VPS45: variants seen among roughly 807,000 people sequenced by gnomAD.
VPS45 encodes the protein vacuolar protein sorting 45 homolog, also known as vacuolar protein sorting-associated protein 45.
In VPS45, 35 loss-of-function variants were observed where a neutral mutation model predicts 75.9. The ratio of observed to expected loss-of-function variants is 0.46; its 90% CI spans 0.35 to 0.61. The LOEUF (loss-of-function observed/expected upper bound fraction) is 0.61. VPS45 is among the 20% of genes least tolerant of loss of function. The pLI, the probability that VPS45 is intolerant of heterozygous loss-of-function variation, is 0.00. For synonymous variants in VPS45, 220 were observed against 238.2 expected (o/e 0.92, Z 0.70); for missense variants, 559 against 685.9 (o/e 0.81, Z 2.07).
At chr1:150,108,889 G>A (rs1553806603) in intron 13 of VPS45, among the ~76,000 whole-genome samples, 4 of 152,210 alleles carry the variant, frequency 2.6e-5, no homozygotes, top group Non-Finnish European at 5.9e-5. Flanking sequence ...CTGTGCCCCC[G>A]CCCAGTTCCT....
intron 14 of VPS45, among the ~76,000 whole-genome samples, chr1:150,142,477 C>A (rs1261920894): frequency 2.7e-4 from 41 of 152,214 alleles, no homozygotes; most frequent in Admixed American, 2.7e-3. Context: ...TCCTTTCCCT[C>A]TACTTTGCAA....
At chr1:150,082,412 G>A (rs587598581) in intron 9 of VPS45, among the ~76,000 whole-genome samples, 5 of 151,898 alleles carry the variant, frequency 3.3e-5, no homozygotes, top group Middle Eastern at 3.2e-3. Flanking sequence ...AGGCTGAGGC[G>A]GGGGAATCGC....
chr1:150,076,394 G>T, intron 4 of VPS45, 82 bp downstream of exon 4: 1 of 1,170,876 alleles, frequency 8.5e-7, no homozygotes, highest in Middle Eastern at 2.1e-4. Context: ...ATAAGGAAAG[G>T]TCTGTCTCAA....
At chr1:150,097,654 G>A (rs1467812089) in intron 13 of VPS45, among the ~76,000 whole-genome samples, 2 of 151,924 alleles carry the variant, frequency 1.3e-5, no homozygotes, top group African/African-American at 4.8e-5. Flanking sequence ...GGGAGGTGGA[G>A]GTTGCAGTGA....
chr1:150,090,956 T>C (rs1476766029), intron 10 of VPS45, among the ~76,000 whole-genome samples: 1 of 152,226 alleles, frequency 6.6e-6, no homozygotes, highest in East Asian at 1.9e-4. Flanking sequence ...CACACTTCTG[T>C]AGGATTATCA....
intron 14 of VPS45, among the ~76,000 whole-genome samples, chr1:150,136,943 G>C (rs1183263275): frequency 6.6e-6 from 1 of 152,132 alleles, no homozygotes; most frequent in East Asian, 1.9e-4. Context: ...CTATCACCCA[G>C]GCTGGAGTGC....
At chr1:150,117,817 C>T (rs1251434492) in intron 14 of VPS45, among the ~76,000 whole-genome samples, 1 of 151,986 alleles carries the variant, frequency 6.6e-6, no homozygotes, top group African/African-American at 2.4e-5. Flanking sequence ...TGAGATCGTA[C>T]CACTGCACTC....
chr1:150,136,099 A>C (rs1406642174), intron 14 of VPS45, among the ~76,000 whole-genome samples: 1 of 150,778 alleles, frequency 6.6e-6, no homozygotes, highest in Non-Finnish European at 1.5e-5. Flanking sequence ...AAATACAAAA[A>C]TTAGCCAGGC....
chr1:150,087,638 G>A (rs1157237187), intron 10 of VPS45, among the ~76,000 whole-genome samples: 1 of 152,134 alleles, frequency 6.6e-6, no homozygotes, highest in Non-Finnish European at 1.5e-5. Context: ...TGAAGTCAAA[G>A]GATAAAGTGG....
intron 14 of VPS45, 106 bp from the exon 15 acceptor site, chr1:150,144,603 T>C: frequency 1.0e-6 from 1 of 954,406 alleles, no homozygotes; most frequent in South Asian, 1.7e-5. Flanking sequence ...ACCTCCTGCC[T>C]ACTATTCATG....
intron 2 of VPS45, among the ~76,000 whole-genome samples, chr1:150,069,756 G>C (rs1553796647): frequency 6.6e-6 from 1 of 152,018 alleles, no homozygotes; most frequent in Non-Finnish European, 1.5e-5. Context: ...GTGCCCGGCT[G>C]TTATACTTTC....
At chr1:150,122,772 G>A (rs2101631891) in intron 14 of VPS45, among the ~76,000 whole-genome samples, 1 of 152,088 alleles carries the variant, frequency 6.6e-6, no homozygotes, top group East Asian at 1.9e-4. Flanking sequence ...GCTGAGGCGG[G>A]TGGATCACCT....
At chr1:150,095,039 T>G (rs1235474072) in intron 13 of VPS45, among the ~76,000 whole-genome samples, 2 of 152,226 alleles carry the variant, frequency 1.3e-5, no homozygotes, top group African/African-American at 4.8e-5. Flanking sequence ...CTTTGTCCTT[T>G]TACACAACAG....
intron 13 of VPS45, 187 bp from the exon 14 acceptor site, chr1:150,110,309 C>A: frequency 1.9e-6 from 1 of 520,696 alleles, no homozygotes; most frequent in South Asian, 3.3e-5. Flanking sequence ...CACTATTCAG[C>A]ATTTCCTGCT....
At chr1:150,125,927 C>T (rs1658491921) in intron 14 of VPS45, among the ~76,000 whole-genome samples, 1 of 152,036 alleles carries the variant, frequency 6.6e-6, no homozygotes, top group African/African-American at 2.4e-5. Context: ...ACCTTGTGAT[C>T]CACCCGTCTC....
At chr1:150,136,416 A>C (rs1410120090) in intron 14 of VPS45, among the ~76,000 whole-genome samples, 1 of 151,892 alleles carries the variant, frequency 6.6e-6, no homozygotes, top group African/African-American at 2.4e-5. Context: ...TTAGCTGGGC[A>C]TGGTGGTGGA....
intron 13 of VPS45, chr1:150,098,928 G>C: frequency 8.2e-7 from 1 of 1,222,548 alleles, no homozygotes; most frequent in South Asian, 1.4e-5. Flanking sequence ...ATGCATTCCA[G>C]AATCAGTCAA....
chr1:150,077,688 A>G lies in VPS45; in HGVS notation c.596A>G (p.Tyr199Cys), dbSNP rs368347807. 3 of 1,613,906 alleles carry G rather than the reference A, an allele frequency of 1.9e-6. No individual in the cohort carries two copies. Among genetic ancestry groups the G allele is most frequent in the South Asian group, 1.1e-5 (1 of 91,086 alleles). ...CCACAGCAAGTGATAACTAAAGAAT[A>G]TGAACTGTTTGAATTCCGTCGGACA... ...ECVKQVITKE[Y>C]ELFEFRRTEV... The change falls in exon 7 of 15, where the codon TAT becomes TGT. Residue 199 changes from tyrosine (Y) to cysteine (C), a missense_variant. By Grantham distance (194) the Tyr-to-Cys change is radical. Transcript: ENST00000644510.
intron 3 of VPS45, among the ~76,000 whole-genome samples, 165 bp downstream of exon 3, chr1:150,072,391 G>A (rs587748958): frequency 9.2e-4 from 140 of 152,122 alleles, no homozygotes; most frequent in African/African-American, 3.1e-3. Context: ...TGCCGGGCGC[G>A]GTGGCTCACA....
Sources: gnomAD v4.1 joint callset for allele counts (sites outside exome capture counted in the v4.1 genomes callset) on GRCh38, gnomAD v4.1.1 for gene constraint, MANE v1.5 for transcripts, NCBI Gene and HGNC (gene_info 2026-07-23, HGNC 2026-07-21) for gene names.